FRMD5: variants seen among roughly 807,000 people sequenced by gnomAD.
The protein encoded by FRMD5 is FERM domain-containing protein 5.
FRMD5 carries 20 observed loss-of-function variants against 69.0 expected under a neutral mutation model. That is an observed-to-expected ratio of 0.29 (90% CI 0.20 to 0.42). The LOEUF is 0.42. Ranked by LOEUF, FRMD5 falls within the 10% of genes least tolerant of loss-of-function variation. The pLI, the probability that FRMD5 is intolerant of heterozygous loss-of-function variation, is 1.00. For synonymous variants in FRMD5, 271 were observed against 260.1 expected (o/e 1.04, Z -0.40); for missense variants, 595 against 708.6 (o/e 0.84, Z 1.82).
intron 1 of FRMD5, among the ~76,000 whole-genome samples, chr15:44,038,520 CTTT>C (rs71111834): frequency 7.9e-5 from 5 of 63,198 alleles, no homozygotes; most frequent in Non-Finnish European, 1.1e-4. Context: ...CTAGCCAGAG[CTTT>C]TTTTTTTTTT....
chr15:43,972,355 A>C (rs937717507), intron 1 of FRMD5, among the ~76,000 whole-genome samples: 4 of 152,060 alleles, frequency 2.6e-5, no homozygotes, highest in African/African-American at 9.7e-5. Context: ...GGTTAAATGG[A>C]ATTTGTTTGC....
At chr15:44,184,545 C>A (rs1212022860) in intron 1 of FRMD5, among the ~76,000 whole-genome samples, 1 of 152,116 alleles carries the variant, frequency 6.6e-6, no homozygotes, top group Non-Finnish European at 1.5e-5. Flanking sequence ...TATTTAATAC[C>A]TCTCACTACC....
chr15:43,967,841 C>T (rs982427460), intron 1 of FRMD5, among the ~76,000 whole-genome samples: 6 of 151,582 alleles, frequency 4.0e-5, no homozygotes, highest in African/African-American at 1.5e-4. Context: ...TGATGGTTTG[C>T]TGCACCTATC....
At chr15:44,128,237 T>C (rs2077050050) in intron 1 of FRMD5, among the ~76,000 whole-genome samples, 1 of 152,164 alleles carries the variant, frequency 6.6e-6, no homozygotes, top group Non-Finnish European at 1.5e-5. Flanking sequence ...CTCAGCACTT[T>C]GGGAGGCCGA....
At chr15:43,941,306 T>C (rs2089859565) in intron 1 of FRMD5, among the ~76,000 whole-genome samples, 1 of 152,126 alleles carries the variant, frequency 6.6e-6, no homozygotes, top group South Asian at 2.1e-4. Flanking sequence ...CGTTGGGGTG[T>C]AGTGACTGAT....
At chr15:43,977,830 T>C (rs2090487134) in intron 1 of FRMD5, among the ~76,000 whole-genome samples, 2 of 152,180 alleles carry the variant, frequency 1.3e-5, no homozygotes, top group South Asian at 4.1e-4. Flanking sequence ...CCTGCGATTT[T>C]GGAGTACTAA....
chr15:43,947,131 A>C (rs1461660962), intron 1 of FRMD5, among the ~76,000 whole-genome samples: 1 of 152,248 alleles, frequency 6.6e-6, no homozygotes, highest in African/African-American at 2.4e-5. Flanking sequence ...GTGCTTAAGC[A>C]ACTTCTGTTT....
At chr15:43,918,221 C>T (rs755952927) in intron 4 of FRMD5, among the ~76,000 whole-genome samples, 4 of 152,082 alleles carry the variant, frequency 2.6e-5, no homozygotes, top group Non-Finnish European at 4.4e-5. Flanking sequence ...CTCAGGAGTT[C>T]GAGACCAGCC....
intron 1 of FRMD5, among the ~76,000 whole-genome samples, chr15:44,176,334 T>C (rs533679810): frequency 2.0e-5 from 3 of 152,226 alleles, no homozygotes; most frequent in African/African-American, 4.8e-5. Flanking sequence ...CCACATGTAA[T>C]AGCAAAACTT....
intron 2 of FRMD5, among the ~76,000 whole-genome samples, chr15:43,922,152 G>A (rs945819235): frequency 1.3e-5 from 2 of 152,106 alleles, no homozygotes; most frequent in Admixed American, 6.6e-5. Context: ...ACTTTCAGAG[G>A]CTATCAGTTA....
intron 1 of FRMD5, among the ~76,000 whole-genome samples, chr15:44,051,271 C>G (rs189813191): frequency 8.7e-5 from 13 of 148,828 alleles, no homozygotes; most frequent in African/African-American, 3.0e-4. Context: ...CCTGCCTCAG[C>G]CTCCCAAGTA....
At chr15:43,890,159 C>A (rs1293855789) in intron 8 of FRMD5, among the ~76,000 whole-genome samples, 1 of 152,152 alleles carries the variant, frequency 6.6e-6, no homozygotes, top group Non-Finnish European at 1.5e-5. Flanking sequence ...CATACACACA[C>A]AGTACAATAA....
At position 43,980,025 on chromosome 15, in the gene FRMD5, T is replaced by C. The variant is rs145357102; in HGVS notation, c.103-55716A>G. Among the ~76,000 whole-genome samples the C allele has an allele frequency of 3.2e-3, 488 of 152,356 alleles. 6 individuals are homozygous for C. The highest frequency in any genetic ancestry group is 0.011 in the African/African-American group (476 of 41,588). ...TCCAAGACCAATGTGCTGCTCAGAA[T>C]CCTAGATGTTCCATTTGAATTCCTC... On this transcript the variant is annotated intron_variant, in intron 1 of 13. Coordinates refer to ENST00000417257, the MANE Select transcript of FRMD5 (RefSeq NM_032892.5).
intron 1 of FRMD5, among the ~76,000 whole-genome samples, chr15:44,118,715 C>T (rs893098263): frequency 1.1e-4 from 17 of 152,194 alleles, no homozygotes; most frequent in Non-Finnish European, 2.1e-4. Flanking sequence ...TCAACCAGAT[C>T]CCCCGATGGG....
At chr15:43,922,418 A>T (rs182764850) in intron 2 of FRMD5, among the ~76,000 whole-genome samples, 2 of 152,324 alleles carry the variant, frequency 1.3e-5, no homozygotes, top group East Asian at 3.9e-4. Context: ...TGGAAGAATT[A>T]GGTTTGTGTG....
intron 1 of FRMD5, among the ~76,000 whole-genome samples, chr15:43,985,310 G>A (rs1350243422): frequency 6.6e-6 from 1 of 150,416 alleles, no homozygotes; most frequent in Non-Finnish European, 1.5e-5. Flanking sequence ...AAAAAGATTG[G>A]GCGTTTGGAA....
intron 1 of FRMD5, among the ~76,000 whole-genome samples, chr15:44,095,275 T>C (rs1476948638): frequency 6.6e-6 from 1 of 151,950 alleles, no homozygotes; most frequent in African/African-American, 2.4e-5. Context: ...CAACTGTGGT[T>C]CACTGCACCC....
At chr15:44,075,997 C>G (rs1893744552) in intron 1 of FRMD5, among the ~76,000 whole-genome samples, 1 of 152,142 alleles carries the variant, frequency 6.6e-6, no homozygotes, top group Non-Finnish European at 1.5e-5. Flanking sequence ...CCTTCGCCCA[C>G]TTTTTGATGG....
At chr15:44,190,730 T>C (rs894043332) in intron 1 of FRMD5, among the ~76,000 whole-genome samples, 3 of 152,152 alleles carry the variant, frequency 2.0e-5, no homozygotes, top group African/African-American at 7.2e-5. Context: ...TATACAGGTG[T>C]TAGAACTGTT....
Sources: allele counts gnomAD v4.1 joint callset (sites outside exome capture counted in the v4.1 genomes callset), GRCh38; gene constraint gnomAD v4.1.1; transcripts MANE v1.5; gene names NCBI Gene and HGNC (gene_info 2026-07-23, HGNC 2026-07-21).